JPH3: variants seen among roughly 807,000 people sequenced by gnomAD.
The protein encoded by JPH3 is junctophilin-3.
A neutral mutation model predicts 59.6 loss-of-function variants in JPH3; 11 were observed. The observed-to-expected ratio is 0.18, with a 90% CI of 0.12 to 0.31. The LOEUF is 0.31. JPH3 is among the 10% of genes least tolerant of loss of function. The pLI is 1.00. For missense variants in JPH3, 1,202 were observed against 1,105.7 expected (o/e 1.09, Z -1.24); for synonymous variants, 673 against 483.6 (o/e 1.39, Z -5.14).
chr16:87,613,611 T>C (rs2030821155), intron 1 of JPH3, among the ~76,000 whole-genome samples: 1 of 152,284 alleles, frequency 6.6e-6, no homozygotes, highest in Admixed American at 6.5e-5. Flanking sequence ...GTGAGCCACC[T>C]AGCCCAGCCT....
chr16:87,649,303 C>A (rs989773317), intron 2 of JPH3, among the ~76,000 whole-genome samples: 1 of 152,204 alleles, frequency 6.6e-6, no homozygotes, highest in Non-Finnish European at 1.5e-5. Flanking sequence ...ACAGGGCATT[C>A]GGCCCCTCCT....
rs372138524 is a variant in JPH3 at position 87,603,362 on chromosome 16, C to T, written c.216C>T (p.Gly72=). 1.9e-6 allele frequency: 3 copies of T among 1,611,728 alleles called. No individual in the cohort carries two copies. The highest frequency in any genetic ancestry group is 2.5e-6 in the Non-Finnish European group (3 of 1,179,054). Residue 72 remains glycine (G), a synonymous_variant, in exon 1 of 5, where the codon GGC becomes GGT. Transcript: ENST00000284262. ...QGTWAQGKRH[G]IGLESKGKWV... ...CCTGGGCGCAGGGCAAGCGCCACGG[C>T]ATCGGCCTGGAGAGCAAGGGGAAGT...
intron 2 of JPH3, among the ~76,000 whole-genome samples, chr16:87,682,945 T>C (rs866818144): frequency 6.6e-6 from 1 of 152,228 alleles, no homozygotes; most frequent in Admixed American, 6.5e-5. Flanking sequence ...TCCCTTGTCT[T>C]ACAAAGGGTG....
chr16:87,602,640 G>T lies in JPH3; in HGVS notation c.-507G>T, dbSNP rs1264124376. The stretch of plus-strand genomic sequence containing the variant: ...CCGCGGCCCCCAATATGGTGCAGCC[G>T]CCAGCGCCGCCGCCCGTGCCGCCGC... On this transcript the variant is annotated 5_prime_UTR_variant, in exon 1 of 5. Transcript: ENST00000284262. Among the ~76,000 whole-genome samples the T allele has an allele frequency of 1.5e-5, 2 of 132,390 alleles. No individual in the cohort carries two copies. Among genetic ancestry groups the T allele is most frequent in the East Asian group, 2.4e-4 (1 of 4,212 alleles). 86.9% of individuals were successfully genotyped at this position (132,390 alleles called of 152,430 possible).
intron 2 of JPH3, among the ~76,000 whole-genome samples, chr16:87,666,300 G>T (rs1346996530): frequency 6.6e-6 from 1 of 151,796 alleles, no homozygotes; most frequent in African/African-American, 2.4e-5. Context: ...TGTTGGTCAG[G>T]CTGGTCTAGA....
At chr16:87,676,946 C>T (rs189874266) in intron 2 of JPH3, among the ~76,000 whole-genome samples, 3 of 151,236 alleles carry the variant, frequency 2.0e-5, no homozygotes, top group East Asian at 2.0e-4. Context: ...CTGAAGTGGG[C>T]GGATCACGAG....
intron 2 of JPH3, among the ~76,000 whole-genome samples, chr16:87,645,321 G>A (rs2032110219): frequency 6.6e-6 from 1 of 152,240 alleles, no homozygotes; most frequent in Admixed American, 6.5e-5. Context: ...CTGATGTTTA[G>A]TGTAAAATAT....
intron 2 of JPH3, among the ~76,000 whole-genome samples, chr16:87,663,527 C>G (rs1312846107): frequency 2.0e-5 from 3 of 152,218 alleles, no homozygotes; most frequent in Admixed American, 6.5e-5. Flanking sequence ...ACACAAGTTT[C>G]CCGTTTTCCT....
intron 2 of JPH3, among the ~76,000 whole-genome samples, chr16:87,664,416 G>C (rs2032798671): frequency 6.6e-6 from 1 of 151,200 alleles, no homozygotes; most frequent in African/African-American, 2.4e-5. Context: ...CTTGAGGTCA[G>C]GAGTTCGAGA....
chr16:87,619,903 G>C (rs559244821), intron 1 of JPH3, among the ~76,000 whole-genome samples: 32 of 152,268 alleles, frequency 2.1e-4, no homozygotes, highest in Non-Finnish European at 2.9e-4. Context: ...AGCGGGTTGG[G>C]GAGGAACCAT....
At chr16:87,696,053 G>A (rs1468524763) in intron 4 of JPH3, 1 of 456,336 alleles carries the variant, frequency 2.2e-6, no homozygotes, top group Admixed American at 2.3e-5. Flanking sequence ...TGTTGAGGAA[G>A]GTGTGGTGAG....
chr16:87,697,375 G>C lies in JPH3; in HGVS notation c.*715G>C, dbSNP rs1419000028. ...TTTCTTCTGCTGCCCACTCACTGTG[G>C]GTCCCATTCGGCTGTTTCCCCCACC... On this transcript the variant is annotated 3_prime_UTR_variant, in exon 5 of 5. Transcript: ENST00000284262. 1 of 152,388 alleles carries C rather than the reference G, an allele frequency of 6.6e-6. No homozygotes were observed. The highest frequency in any genetic ancestry group is 2.4e-5 in the African/African-American group (1 of 41,450). 9.4% of individuals were successfully genotyped at this position (152,388 alleles called of 1,614,324 possible). A position where few individuals can be genotyped will look rare whatever the true frequency, so the allele number is the denominator to read the frequency against.
intron 1 of JPH3, among the ~76,000 whole-genome samples, chr16:87,630,390 C>T (rs1019040062): frequency 1.3e-5 from 2 of 152,200 alleles, no homozygotes; most frequent in African/African-American, 4.8e-5. Flanking sequence ...GACCCCTCTC[C>T]CCTTGTCCTT....
intron 4 of JPH3, chr16:87,695,287 G>C (rs1198445617): frequency 2.2e-6 from 1 of 455,860 alleles, no homozygotes; most frequent in Non-Finnish European, 4.4e-6. Flanking sequence ...TTTGACCAGA[G>C]GCCAGACTTG....
intron 3 of JPH3, among the ~76,000 whole-genome samples, chr16:87,689,087 C>A (rs993988881): frequency 6.6e-6 from 1 of 152,152 alleles, no homozygotes; most frequent in South Asian, 2.1e-4. Flanking sequence ...CGCCCTAGGA[C>A]TTGAAGCCCC....
intron 1 of JPH3, among the ~76,000 whole-genome samples, chr16:87,635,438 C>T (rs989389021): frequency 6.6e-6 from 1 of 152,206 alleles, no homozygotes; most frequent in Non-Finnish European, 1.5e-5. Flanking sequence ...CAAGAGCCTG[C>T]CAGCCATACT....
chr16:87,637,399 A>G (rs1461105773), intron 1 of JPH3, among the ~76,000 whole-genome samples: 4 of 135,712 alleles, frequency 2.9e-5, no homozygotes, highest in Non-Finnish European at 4.7e-5. Flanking sequence ...GGGGAGAGAG[A>G]GAGAGAGAGA....
intron 3 of JPH3, chr16:87,684,509 G>GCAC: frequency 1.9e-6 from 1 of 538,384 alleles, no homozygotes; most frequent in South Asian, 2.3e-5. Context: ...AGTCCTTGGG[G>GCAC]CACCGCGTGT....
At chr16:87,673,235 AT>A (rs966439860) in intron 2 of JPH3, among the ~76,000 whole-genome samples, 73 of 152,106 alleles carry the variant, frequency 4.8e-4, no homozygotes, top group African/African-American at 1.7e-3. Flanking sequence ...AGAAAAAAAA[AT>A]CAACCGCACT....
Sources: allele counts gnomAD v4.1 joint callset (sites outside exome capture counted in the v4.1 genomes callset), GRCh38; gene constraint gnomAD v4.1.1; transcripts MANE v1.5; gene names NCBI Gene and HGNC (gene_info 2026-07-23, HGNC 2026-07-21).